OSBP2: variants seen among roughly 807,000 people sequenced by gnomAD.
The protein encoded by OSBP2 is oxysterol-binding protein 2.
A neutral mutation model predicts 96.0 loss-of-function variants in OSBP2; 66 were observed. The observed-to-expected ratio is 0.69, with a 90% CI of 0.56 to 0.84. The LOEUF is 0.84. OSBP2 is among the 40% of genes least tolerant of loss of function. The pLI, the probability that OSBP2 is intolerant of heterozygous loss-of-function variation, is 0.00. For synonymous variants in OSBP2, 525 were observed against 520.9 expected, an observed-to-expected ratio of 1.01 and a Z score of -0.11; for missense variants, 1,038 against 1,222.7, an observed-to-expected ratio of 0.85 and a Z score of 2.25.
At chr22:30,698,443 CTTTT>C (rs1186569854) in intron 1 of OSBP2, among the ~76,000 whole-genome samples, 2 of 143,170 alleles carry the variant, frequency 1.4e-5, no homozygotes, top group Non-Finnish European at 1.5e-5. Flanking sequence ...TTTTCTTTTT[CTTTT>C]TTTTTTTTTT....
chr22:30,696,502 G>T (rs2089039213), intron 1 of OSBP2, among the ~76,000 whole-genome samples: 1 of 152,158 alleles, frequency 6.6e-6, no homozygotes, highest in Non-Finnish European at 1.5e-5. Flanking sequence ...GGCGTGGCTG[G>T]TGATGCTGGT....
intron 1 of OSBP2, among the ~76,000 whole-genome samples, chr22:30,702,172 A>G (rs968749963): frequency 1.3e-5 from 2 of 151,868 alleles, no homozygotes; most frequent in African/African-American, 2.4e-5. Flanking sequence ...CCTCCTCTCC[A>G]TCCCAGTTGC....
chr22:30,803,824 G>A (rs924300412), intron 2 of OSBP2, among the ~76,000 whole-genome samples: 1 of 152,166 alleles, frequency 6.6e-6, no homozygotes, highest in African/African-American at 2.4e-5. Flanking sequence ...GTGTGTATGT[G>A]TGTGTGTGGT....
At chr22:30,895,679 CTGTAATCCCAACACT>C (rs781088364) in intron 12 of OSBP2, among the ~76,000 whole-genome samples, 3 of 152,162 alleles carry the variant, frequency 2.0e-5, no homozygotes, top group Non-Finnish European at 4.4e-5. Context: ...TGGCTCACGC[CTGTAATCCCAACACT>C]TTGGGAGGCC....
At chr22:30,869,467 C>T (rs1265268117) in intron 2 of OSBP2, among the ~76,000 whole-genome samples, 1 of 152,226 alleles carries the variant, frequency 6.6e-6, no homozygotes, top group Non-Finnish European at 1.5e-5. Flanking sequence ...AGGGGAGCCT[C>T]AACTGTGACA....
chr22:30,887,617 G>A lies in OSBP2; in HGVS notation c.1299G>A (p.Glu433=). 1 of 1,591,324 alleles carries A rather than the reference G, an allele frequency of 6.3e-7. No individual in the cohort carries two copies. The highest frequency in any genetic ancestry group is 8.5e-7 in the Non-Finnish European group (1 of 1,169,898). ...CCAACCCCTCCAAGAGCTTCATTGA[G>A]GGTGAGTGGGCAGCCAGGGCAGGGC... ...RPANPSKSFI[E]GSLLTPKGED... is the part of the protein sequence containing the mutation. The change falls in exon 4 of 14, where the codon GAG becomes GAA. Residue 433 remains glutamate (E), a splice_region_variant and synonymous_variant. Transcript: ENST00000332585.
At chr22:30,873,970 C>A (rs763977783) in intron 3 of OSBP2, among the ~76,000 whole-genome samples, 2 of 152,184 alleles carry the variant, frequency 1.3e-5, no homozygotes, top group Non-Finnish European at 2.9e-5. Context: ...GGTGTGGTGG[C>A]TCACACCTGT....
chr22:30,843,172 T>C (rs1261819738), intron 2 of OSBP2, among the ~76,000 whole-genome samples: 1 of 152,172 alleles, frequency 6.6e-6, no homozygotes, highest in Non-Finnish European at 1.5e-5. Context: ...TCCACTGAAG[T>C]CTTGAACCCC....
chr22:30,771,993 T>G (rs2090352003), intron 2 of OSBP2, among the ~76,000 whole-genome samples: 1 of 152,170 alleles, frequency 6.6e-6, no homozygotes, highest in East Asian at 1.9e-4. Flanking sequence ...GTGTGCACAG[T>G]GCCACATCAG....
chr22:30,707,376 C>T (rs1211463479), intron 1 of OSBP2, among the ~76,000 whole-genome samples: 3 of 152,072 alleles, frequency 2.0e-5, no homozygotes, highest in African/African-American at 4.8e-5. Context: ...GGATTACAGG[C>T]GTGAGCCACC....
chr22:30,750,387 G>A (rs569040630), intron 2 of OSBP2, among the ~76,000 whole-genome samples: 20 of 152,300 alleles, frequency 1.3e-4, no homozygotes, highest in Non-Finnish European at 2.8e-4. Context: ...CACTGTGAAT[G>A]CAACCAATTC....
chr22:30,835,594 G>A (rs1251334607), intron 2 of OSBP2, among the ~76,000 whole-genome samples: 1 of 151,994 alleles, frequency 6.6e-6, no homozygotes, highest in East Asian at 1.9e-4. Context: ...TTTCTGCCTG[G>A]AGACCATACT....
chr22:30,863,202 T>A (rs950309600), intron 2 of OSBP2, among the ~76,000 whole-genome samples: 4 of 152,044 alleles, frequency 2.6e-5, no homozygotes, highest in African/African-American at 9.7e-5. Flanking sequence ...ACCCCAAGCC[T>A]TTCTCTCTGT....
chr22:30,830,550 G>C (rs1044466981), intron 2 of OSBP2, among the ~76,000 whole-genome samples: 6 of 152,348 alleles, frequency 3.9e-5, no homozygotes, highest in African/African-American at 1.4e-4. Context: ...AGTTTGTACG[G>C]GACAGGGCCC....
rs117317691 is a variant in OSBP2, at chr22:30,885,307, T to C, written c.1108-2119T>C. 2.4e-3 allele frequency among the ~76,000 whole-genome samples: 361 copies of C among 152,222 alleles called. 12 individuals are homozygous for C. The East Asian group carries it at 0.045, about 19-fold the overall frequency. On this transcript the variant is annotated intron_variant, in intron 3 of 13. Coordinates refer to ENST00000332585, the MANE Select transcript of OSBP2 (RefSeq NM_030758.4). Reference sequence around the variant, plus strand: ...GGGCCAAGGAAACGTCCCTTCCTACTGGCTTCAAGAATGTGTCCAGAAAGG... The same window carrying C: ...GGGCCAAGGAAACGTCCCTTCCTACCGGCTTCAAGAATGTGTCCAGAAAGG...
chr22:30,743,315 A>G (rs1216177658), intron 2 of OSBP2, among the ~76,000 whole-genome samples: 1 of 152,186 alleles, frequency 6.6e-6, no homozygotes, highest in Admixed American at 6.5e-5. Flanking sequence ...ATTAAAGGGC[A>G]CTGAAAACCA....
intron 2 of OSBP2, among the ~76,000 whole-genome samples, chr22:30,850,866 G>A (rs984847892): frequency 2.0e-5 from 3 of 151,568 alleles, no homozygotes; most frequent in Admixed American, 6.5e-5. Context: ...GTTACTGAAT[G>A]GGATTGCATT....
At chr22:30,900,757 TC>T (rs1362160951) in intron 12 of OSBP2, among the ~76,000 whole-genome samples, 2 of 152,056 alleles carry the variant, frequency 1.3e-5, no homozygotes, top group Non-Finnish European at 2.9e-5. Context: ...ATAAAGAAAA[TC>T]AAATAATGGC....
chr22:30,787,292 G>A lies in OSBP2; in HGVS notation c.853+45923G>A, dbSNP rs146491726. The stretch of plus-strand genomic sequence containing the variant: ...GGAAACACATTCTTCTTAACATGGC[G>A]GCAGGAAGGAGACGAATGGGAGCTA... On this transcript the variant is annotated intron_variant, in intron 2 of 13. Coordinates refer to ENST00000332585, the MANE Select transcript of OSBP2 (RefSeq NM_030758.4). Among the ~76,000 whole-genome samples, 411 of 152,238 alleles carry A rather than the reference G, an allele frequency of 2.7e-3. 4 individuals are homozygous for A. The highest frequency in any genetic ancestry group is 9.3e-3 in the African/African-American group (386 of 41,530).
Sources: gnomAD v4.1 joint callset for allele counts (sites outside exome capture counted in the v4.1 genomes callset) on GRCh38, gnomAD v4.1.1 for gene constraint, MANE v1.5 for transcripts, NCBI Gene and HGNC (gene_info 2026-07-23, HGNC 2026-07-21) for gene names.